Variants in SLC9A8 observed in about 807,000 individuals in gnomAD.
The protein encoded by SLC9A8 is solute carrier family 9 member A8.
Under a neutral mutation model 66.6 loss-of-function variants are expected in SLC9A8, and 48 were observed. The ratio of observed to expected loss-of-function variants is 0.72; its 90% CI spans 0.57 to 0.92. The LOEUF (loss-of-function observed/expected upper bound fraction) is 0.92. Among genes scored for constraint, SLC9A8 ranks in the 40% least tolerant of loss-of-function variants. The pLI, the probability that SLC9A8 is intolerant of heterozygous loss-of-function variation, is 0.00. For missense variants in SLC9A8, 599 were observed against 747.3 expected (o/e 0.80, Z 2.31); for synonymous variants, 274 against 282.6 (o/e 0.97, Z 0.31).
Position 49,849,600 on chromosome 20 carries a change from G to A in SLC9A8, c.454G>A (p.Gly152Ser). ...ACAGGGTAACTTCTTTCAAAATATT[G>A]GTTCCATCACCCTGTTTGCTGTTTT... ...LHKGNFFQNIGSITLFAVFGT... is the reference protein window; with the variant it reads ...LHKGNFFQNISSITLFAVFGT... The change falls in exon 6 of 16, where the codon GGT becomes AGT. Residue 152 changes from glycine (G) to serine (S), a missense_variant. Gly to Ser is a moderately conservative substitution (Grantham distance 56, BLOSUM62 0). Around this residue, in one of 2 missense-constraint regions of SLC9A8, gnomAD observed 467 missense variants for 626.5 expected, o/e 0.75. Transcript: ENST00000361573. The A allele has an allele frequency of 6.2e-7, 1 of 1,613,340 alleles. No individual in the cohort carries two copies. The highest frequency in any genetic ancestry group is 1.1e-5 in the South Asian group (1 of 91,068).
chr20:49,816,418 T>TCAAAAAAAAAA (rs2086550447), intron 2 of SLC9A8, among the ~76,000 whole-genome samples: 1 of 151,272 alleles, frequency 6.6e-6, no homozygotes, highest in Non-Finnish European at 1.5e-5. Flanking sequence ...AGACACTGTC[T>TCAAAAAAAAAA]TAAAAAAAAA....
intron 13 of SLC9A8, among the ~76,000 whole-genome samples, chr20:49,882,672 C>T (rs1190600446): frequency 6.6e-6 from 1 of 152,180 alleles, no homozygotes; most frequent in African/African-American, 2.4e-5. Flanking sequence ...TGCTGTCATC[C>T]CTATGCCTTT....
In SLC9A8 at chr20:49,874,805, C is replaced by T. The variant is rs746966966; in HGVS notation, c.1059C>T (p.Thr353=). 3.7e-6 allele frequency: 6 copies of T among 1,612,054 alleles called. No homozygotes were observed. The highest frequency in any genetic ancestry group is 5.1e-6 in the Non-Finnish European group (6 of 1,178,050). ...TQILMQQTLR[T]VAFLCETCVF... ...TCCTCATGCAGCAGACCCTCCGCAC[C>T]GTGGCCTTCTTATGTGGTGAGTTCT... Residue 353 remains threonine (T), a synonymous_variant, in exon 11 of 16, where the codon ACC becomes ACT. Transcript: ENST00000361573.
chr20:49,822,822 A>C (rs1243839596), intron 2 of SLC9A8, among the ~76,000 whole-genome samples: 13 of 152,182 alleles, frequency 8.5e-5, no homozygotes. Context: ...TCCAATAACT[A>C]CTGGGAAACA....
Position 49,862,959 on chromosome 20 carries a change from G to A in SLC9A8, c.744G>A (p.Met248Ile). ...CTGAAGGTTTAACAAGAAAAAATAT[G>A]TCAGATGTCAGTGGGTGGCAAACAT... ...NTAEGLTRKNMSDVSGWQTFL... is the reference protein window; with the variant it reads ...NTAEGLTRKNISDVSGWQTFL... The change falls in exon 9 of 16, where the codon ATG (methionine) becomes ATA (isoleucine). Residue 248 changes from methionine to isoleucine, a missense_variant. By Grantham distance (10) the Met-to-Ile change is conservative (BLOSUM62 1). This residue lies in a region of SLC9A8 where 467 missense variants were observed against 626.5 expected (regional missense o/e 0.75). Transcript: ENST00000361573. 6.2e-7 allele frequency: 1 copy of A among 1,613,450 alleles called. No homozygotes were observed. The highest frequency in any genetic ancestry group is 1.3e-5 in the African/African-American group (1 of 75,026).
Position 49,888,039 on chromosome 20 carries a change from T to C in SLC9A8, c.*103T>C. The stretch of plus-strand genomic sequence containing the variant: ...AGAGATGCGTGCATCCAGCAGCCCC[T>C]TCAAGACATAAGAGGGCGGGGCGAG... On this transcript the variant is annotated 3_prime_UTR_variant, in exon 16 of 16. Coordinates refer to ENST00000361573, the MANE Select transcript of SLC9A8 (RefSeq NM_015266.3). 3.3e-6 allele frequency: 3 copies of C among 911,020 alleles called. No individual in the cohort carries two copies. In the South Asian group the frequency reaches 4.2e-5, roughly 13 times the overall value. 56.4% of individuals were successfully genotyped at this position (911,020 alleles called of 1,614,324 possible). A position where few individuals can be genotyped will look rare whatever the true frequency, so the allele number is the denominator to read the frequency against.
chr20:49,887,063 C>G (rs1377017916), intron 15 of SLC9A8, among the ~76,000 whole-genome samples, 165 bp downstream of exon 15: 1 of 152,226 alleles, frequency 6.6e-6, no homozygotes, highest in African/African-American at 2.4e-5. Context: ...GCTTGTGGAA[C>G]TCGGCATCTG....
intron 1 of SLC9A8, 46 bp from the exon 2 acceptor site, chr20:49,814,962 T>C (rs780169647): frequency 2.8e-6 from 4 of 1,428,210 alleles, no homozygotes; most frequent in Admixed American, 2.4e-5. Flanking sequence ...AATTGATGTT[T>C]TGGGACCCTT....
chr20:49,860,925 C>T (rs1307355385), intron 8 of SLC9A8, among the ~76,000 whole-genome samples: 4 of 152,136 alleles, frequency 2.6e-5, no homozygotes, highest in African/African-American at 4.8e-5. Flanking sequence ...GAATGAGGCA[C>T]GACAGTTTCC....
At position 49,891,624 on chromosome 20, in the gene SLC9A8, C is replaced by T. The variant is rs1361881468; in HGVS notation, c.*3688C>T. 6.6e-6 allele frequency: 1 copy of T among 152,390 alleles called. No individual in the cohort carries two copies. Among genetic ancestry groups the T allele is most frequent in the African/African-American group, 2.4e-5 (1 of 41,458 alleles). The allele number at this position is 152,390 out of a possible 1,614,324, so 9.4% of individuals were successfully genotyped here. A position where few individuals can be genotyped will look rare whatever the true frequency, so the allele number is the denominator to read the frequency against. On this transcript the variant is annotated 3_prime_UTR_variant, in exon 16 of 16. Transcript: ENST00000361573. ...CCTTGAGTTGGTCTCCCCGGCTGCT[C>T]TGCGGGGGCTTCACTGGCTTCGGAG...
At chr20:49,834,401 CTGTGT>C (rs1568813786) in intron 3 of SLC9A8, among the ~76,000 whole-genome samples, 1,105 of 50,414 alleles carry the variant, frequency 0.022, 72 homozygotes, top group Middle Eastern at 0.071. Flanking sequence ...TATATATATA[CTGTGT>C]ATATATATAT....
At chr20:49,867,934 G>A (rs547576009) in intron 10 of SLC9A8, among the ~76,000 whole-genome samples, 12 of 152,202 alleles carry the variant, frequency 7.9e-5, no homozygotes, top group Non-Finnish European at 1.5e-4. Context: ...GCAGCACAAG[G>A]AGGAAGCAGA....
At chr20:49,847,979 G>A (rs888192742) in intron 5 of SLC9A8, among the ~76,000 whole-genome samples, 6 of 129,252 alleles carry the variant, frequency 4.6e-5, no homozygotes, top group East Asian at 4.6e-4. Context: ...GCACGAACTC[G>A]GCTCACTGCG....
chr20:49,864,626 A>G, intron 9 of SLC9A8, 113 bp from the exon 10 acceptor site: 1 of 714,468 alleles, frequency 1.4e-6, no homozygotes, highest in Non-Finnish European at 2.5e-6. Context: ...GGGACATTCT[A>G]AAATCTATAT....
intron 2 of SLC9A8, among the ~76,000 whole-genome samples, chr20:49,819,863 A>G (rs2086673044): frequency 6.6e-6 from 1 of 152,176 alleles, no homozygotes; most frequent in Non-Finnish European, 1.5e-5. Flanking sequence ...GTTATAGCAT[A>G]TGTTAGAATT....
At chr20:49,822,970 C>T (rs2086794970) in intron 2 of SLC9A8, 91 bp from the exon 3 acceptor site, 2 of 1,017,160 alleles carry the variant, frequency 2.0e-6, no homozygotes, top group South Asian at 1.3e-5. Flanking sequence ...TGTGAGGACC[C>T]CCCCAGAAAT....
intron 5 of SLC9A8, among the ~76,000 whole-genome samples, chr20:49,846,525 C>A (rs1186837482): frequency 1.3e-5 from 2 of 151,056 alleles, no homozygotes; most frequent in East Asian, 3.9e-4. Flanking sequence ...CCACCCACCA[C>A]ACTAAATAAA....
At chr20:49,853,867 C>T (rs1372126531) in intron 7 of SLC9A8, among the ~76,000 whole-genome samples, 2 of 152,186 alleles carry the variant, frequency 1.3e-5, no homozygotes, top group African/African-American at 4.8e-5. Context: ...CATTCACAGG[C>T]AGCTACCATG....
At chr20:49,860,384 G>C (rs1450963165) in intron 8 of SLC9A8, among the ~76,000 whole-genome samples, 1 of 152,078 alleles carries the variant, frequency 6.6e-6, no homozygotes, top group Non-Finnish European at 1.5e-5. Context: ...GAGTTTATTT[G>C]ACCAAGCTAC....
Sources: gnomAD v4.1 joint callset for allele counts (sites outside exome capture counted in the v4.1 genomes callset) on GRCh38, gnomAD v4.1.1 for gene constraint, gnomAD v4.1.1 regional missense constraint, MANE v1.5 for transcripts, NCBI Gene and HGNC (gene_info 2026-07-23, HGNC 2026-07-21) for gene names.